RNF13: variants seen among roughly 807,000 people sequenced by gnomAD.
The protein encoded by RNF13 is ring finger protein 13.
In RNF13, 19 loss-of-function variants were observed where a neutral mutation model predicts 37.7. That is an observed-to-expected ratio of 0.50 (90% CI 0.35 to 0.74). RNF13 has a LOEUF of 0.74. RNF13 is among the 30% of genes least tolerant of loss of function. RNF13 has a pLI of 0.01. For missense variants in RNF13, 375 were observed against 453.0 expected (o/e 0.83, Z 1.56); for synonymous variants, 144 against 157.8 (o/e 0.91, Z 0.65).
At chr3:149,950,127 C>G (rs1354305977) in intron 8 of RNF13, among the ~76,000 whole-genome samples, 1 of 152,168 alleles carries the variant, frequency 6.6e-6, no homozygotes, top group African/African-American at 2.4e-5. Flanking sequence ...TGATCTCTAG[C>G]ACTTTTTAAT....
chr3:149,866,498 C>T (rs1711496917), intron 3 of RNF13, among the ~76,000 whole-genome samples: 1 of 152,134 alleles, frequency 6.6e-6, no homozygotes, highest in African/African-American at 2.4e-5. Context: ...TTTATTGTAA[C>T]CTATTTTATC....
chr3:149,885,413 T>C (rs1713914080), intron 4 of RNF13, among the ~76,000 whole-genome samples: 1 of 152,162 alleles, frequency 6.6e-6, no homozygotes, highest in Admixed American at 6.5e-5. Flanking sequence ...TTTTTTTGGA[T>C]AAAAGCATTT....
intron 6 of RNF13, among the ~76,000 whole-genome samples, chr3:149,903,469 A>G (rs1393685519): frequency 1.3e-5 from 2 of 152,124 alleles, no homozygotes; most frequent in African/African-American, 4.8e-5. Context: ...ATGTGACACT[A>G]TTGCTTACCA....
intron 6 of RNF13, among the ~76,000 whole-genome samples, chr3:149,907,180 T>C (rs75575612): frequency 0.013 from 2,054 of 152,278 alleles, 53 homozygotes; most frequent in African/African-American, 0.046. Flanking sequence ...TTGATGGCAG[T>C]TTTTTCATAT....
Position 149,880,772 on chromosome 3 carries a change from G to T in RNF13, c.321+8618G>T, listed in dbSNP as rs933520489. 2.0e-5 allele frequency among the ~76,000 whole-genome samples: 3 copies of T among 151,990 alleles called. No homozygotes were observed. The East Asian group carries it at 5.8e-4, about 29-fold the overall frequency. The stretch of plus-strand genomic sequence containing the variant: ...TATAAGCTAATGACTTTGATTTTTT[G>T]ATGGGATGTTGCAGAACATGATTGT... On this transcript the variant is annotated intron_variant, in intron 4 of 9. Transcript: ENST00000392894.
chr3:149,883,884 A>G (rs1713707942), intron 4 of RNF13, among the ~76,000 whole-genome samples: 1 of 151,980 alleles, frequency 6.6e-6, no homozygotes, highest in African/African-American at 2.4e-5. Flanking sequence ...GTACCAGTGT[A>G]TGTTCTCCAC....
intron 8 of RNF13, among the ~76,000 whole-genome samples, chr3:149,931,886 A>G (rs756162019): frequency 2.0e-5 from 3 of 151,864 alleles, no homozygotes; most frequent in Non-Finnish European, 2.9e-5. Context: ...TTTGCTCTCT[A>G]CCTCCATGAG....
At chr3:149,852,489 C>G (rs1723207045) in intron 2 of RNF13, 27 bp from the exon 3 acceptor site, 1 of 1,168,026 alleles carries the variant, frequency 8.6e-7, no homozygotes, top group Non-Finnish European at 1.2e-6. Flanking sequence ...TTGGTCTTAA[C>G]TTGAATATTT....
intron 3 of RNF13, among the ~76,000 whole-genome samples, chr3:149,856,349 A>G (rs1461956247): frequency 6.6e-6 from 1 of 152,194 alleles, no homozygotes; most frequent in Non-Finnish European, 1.5e-5. Flanking sequence ...AGCTCACTAT[A>G]GTATTATGTC....
intron 8 of RNF13, among the ~76,000 whole-genome samples, chr3:149,941,768 A>G (rs892906235): frequency 2.6e-5 from 4 of 151,842 alleles, no homozygotes; most frequent in South Asian, 2.1e-4. Flanking sequence ...CTCAAATCCA[A>G]TATCCTGAAG....
At chr3:149,937,934 A>G (rs1034723371) in intron 8 of RNF13, among the ~76,000 whole-genome samples, 22 of 152,150 alleles carry the variant, frequency 1.4e-4, no homozygotes, top group African/African-American at 4.8e-4. Flanking sequence ...GTGTATATCA[A>G]TTAAATCCAG....
intron 8 of RNF13, among the ~76,000 whole-genome samples, chr3:149,945,548 C>G (rs1362965640): frequency 6.6e-6 from 1 of 152,202 alleles, no homozygotes; most frequent in Non-Finnish European, 1.5e-5. Flanking sequence ...ATGTCCCTGT[C>G]TGACAGCTTT....
Position 149,960,864 on chromosome 3 carries a change from A to T in RNF13, c.906A>T (p.Glu302Asp). 6.2e-7 allele frequency: 1 copy of T among 1,614,228 alleles called. No homozygotes were observed. The highest frequency in any genetic ancestry group is 8.5e-7 in the Non-Finnish European group (1 of 1,180,046). Residue 302 changes from glutamate to aspartate, a missense_variant, in exon 10 of 10, where the codon GAA (glutamate) becomes GAT (aspartate). By Grantham distance (45) the Glu-to-Asp change is conservative. Transcript: ENST00000392894. ...CTGACACAGACAGTAGTCAAGAAGA[A>T]AATGAAGTGACAGAACATACCCCTT... The part of the protein sequence containing the change: ...SDSDTDSSQE[E>D]NEVTEHTPLL...
chr3:149,867,507 C>T (rs1711513655), intron 3 of RNF13, among the ~76,000 whole-genome samples: 1 of 151,534 alleles, frequency 6.6e-6, no homozygotes. Context: ...CCTTGTGATC[C>T]ACCTGCCTCG....
rs1288795973 is a variant in RNF13, at chr3:149,961,950, G to C, written c.*846G>C. The C allele has an allele frequency of 6.6e-6, 1 of 152,670 alleles. No individual in the cohort carries two copies. Among genetic ancestry groups the C allele is most frequent in the African/African-American group, 2.4e-5 (1 of 41,464 alleles). The allele number at this position is 152,670 out of a possible 1,614,324, so 9.5% of individuals were successfully genotyped here. ...GTTCAAGTATTGGATTTGAAAGTAAGTGACTTATGTTTAACAGAACTAATG... is the reference window on the plus strand; with the variant it reads ...GTTCAAGTATTGGATTTGAAAGTAACTGACTTATGTTTAACAGAACTAATG... On this transcript the variant is annotated 3_prime_UTR_variant, in exon 10 of 10. Coordinates refer to ENST00000392894, the MANE Select transcript of RNF13 (RefSeq NM_183381.3).
intron 3 of RNF13, among the ~76,000 whole-genome samples, chr3:149,853,455 GGAGAGAGAGAGAGAGAGA>G (rs397842025): frequency 7.7e-5 from 9 of 117,264 alleles, no homozygotes; most frequent in African/African-American, 2.6e-4. Flanking sequence ...AGAGAGAGAG[GGAGAGAGAGAGAGAGAGA>G]GAGAGAGAGA....
chr3:149,822,317 A>G (rs1720059518), intron 1 of RNF13, among the ~76,000 whole-genome samples: 1 of 152,004 alleles, frequency 6.6e-6, no homozygotes, highest in Non-Finnish European at 1.5e-5. Flanking sequence ...TGTGTTTTAT[A>G]GTTTTCGGTG....
At chr3:149,849,982 AT>A (rs752045812) in intron 2 of RNF13, among the ~76,000 whole-genome samples, 487 of 143,518 alleles carry the variant, frequency 3.4e-3, no homozygotes, top group Middle Eastern at 3.6e-3. Context: ...TCTACTTCAG[AT>A]TTTTTTTTTT....
At chr3:149,855,440 T>G (rs1264195006) in intron 3 of RNF13, among the ~76,000 whole-genome samples, 2 of 151,862 alleles carry the variant, frequency 1.3e-5, no homozygotes, top group Non-Finnish European at 2.9e-5. Context: ...TGCATGGTAT[T>G]CTGTAATATG....
Sources: gnomAD v4.1 joint callset for allele counts (sites outside exome capture counted in the v4.1 genomes callset) on GRCh38, gnomAD v4.1.1 for gene constraint, MANE v1.5 for transcripts, NCBI Gene and HGNC (gene_info 2026-07-23, HGNC 2026-07-21) for gene names.